SH3RF3: variants seen among roughly 807,000 people sequenced by gnomAD.
SH3RF3 encodes the protein E3 ubiquitin-protein ligase SH3RF3.
SH3RF3 carries 29 observed loss-of-function variants against 66.3 expected under a neutral mutation model. The observed-to-expected ratio is 0.44, with a 90% CI of 0.33 to 0.60. SH3RF3 has a LOEUF of 0.60. Among genes scored for constraint, SH3RF3 ranks in the 20% least tolerant of loss-of-function variants. The pLI is 0.04. For missense variants in SH3RF3, 1,194 were observed against 1,190.9 expected, an observed-to-expected ratio of 1.00 and a Z score of -0.04; for synonymous variants, 583 against 532.0, an observed-to-expected ratio of 1.10 and a Z score of -1.32.
At chr2:109,339,550 C>T (rs886207060) in intron 1 of SH3RF3, among the ~76,000 whole-genome samples, 1 of 152,090 alleles carries the variant, frequency 6.6e-6, no homozygotes, top group African/African-American at 2.4e-5. Flanking sequence ...TAGATGGGGC[C>T]GACCAGGCAT....
chr2:109,154,363 C>T (rs1677289304), intron 1 of SH3RF3, among the ~76,000 whole-genome samples: 1 of 152,146 alleles, frequency 6.6e-6, no homozygotes, highest in Non-Finnish European at 1.5e-5. Context: ...GGGGAAGCTT[C>T]TGGGTAGGGA....
intron 1 of SH3RF3, among the ~76,000 whole-genome samples, chr2:109,289,817 C>A (rs547176129): frequency 6.6e-5 from 10 of 152,026 alleles, no homozygotes; most frequent in African/African-American, 2.4e-4. Flanking sequence ...CTGGGGAAAT[C>A]GGGAAATCAA....
intron 1 of SH3RF3, among the ~76,000 whole-genome samples, chr2:109,167,043 C>T (rs72822655): frequency 0.011 from 1,726 of 152,264 alleles, 6 homozygotes; most frequent in Non-Finnish European, 0.017. Context: ...ATCGGTGTCC[C>T]GTGGGAATAC....
intron 1 of SH3RF3, among the ~76,000 whole-genome samples, chr2:109,218,920 G>C (rs1197586576): frequency 3.3e-5 from 5 of 152,188 alleles, no homozygotes; most frequent in African/African-American, 9.7e-5. Context: ...TGAGAGCCCT[G>C]CCTTCCCTGC....
intron 1 of SH3RF3, among the ~76,000 whole-genome samples, chr2:109,203,085 C>T (rs936429082): frequency 6.6e-6 from 1 of 152,172 alleles, no homozygotes; most frequent in South Asian, 2.1e-4. Flanking sequence ...CTCCGTCGAG[C>T]CTGGAACACT....
In SH3RF3 at chr2:109,226,469, C is replaced by T. The variant is rs1248638887; in HGVS notation, c.573+96356C>T. Among the ~76,000 whole-genome samples, 6 of 152,278 alleles carry T rather than the reference C, an allele frequency of 3.9e-5. No homozygotes were observed. The East Asian group carries it at 1.2e-3, about 29-fold the overall frequency. On this transcript the variant is annotated intron_variant, in intron 1 of 9. Transcript: ENST00000309415. ...GCAGTCCTCATCGTTAAGTAAGTAC[C>T]CTGCTGACCTCTTAAGACATAAACC...
At position 109,501,708 on chromosome 2, in the gene SH3RF3, A is replaced by C; in HGVS notation, c.*37A>C. 2.8e-6 allele frequency: 2 copies of C among 723,628 alleles called. No individual in the cohort carries two copies. Among genetic ancestry groups the C allele is most frequent in the Non-Finnish European group, 5.1e-6 (2 of 389,234 alleles). The allele number at this position is 723,628 out of a possible 1,614,324, so 44.8% of individuals were successfully genotyped here. On this transcript the variant is annotated 3_prime_UTR_variant, in exon 10 of 10. Coordinates refer to ENST00000309415, the MANE Select transcript of SH3RF3 (RefSeq NM_001099289.3). ...CCCTGCACCCAGCTCACAGAGGGGG[A>C]GGCCGCCTGGGAAGCTCCACGGCAC...
intron 1 of SH3RF3, among the ~76,000 whole-genome samples, chr2:109,239,988 G>A (rs1374753699): frequency 6.6e-6 from 1 of 152,212 alleles, no homozygotes; most frequent in African/African-American, 2.4e-5. Flanking sequence ...ATCCTCTGTG[G>A]AATGCTTGCT....
chr2:109,435,617 C>T (rs568248795), intron 6 of SH3RF3, among the ~76,000 whole-genome samples: 1 of 152,294 alleles, frequency 6.6e-6, no homozygotes, highest in South Asian at 2.1e-4. Context: ...TAGGACTAGC[C>T]AAGGGTATCT....
At chr2:109,324,947 C>A (rs1232288059) in intron 1 of SH3RF3, among the ~76,000 whole-genome samples, 1 of 152,166 alleles carries the variant, frequency 6.6e-6, no homozygotes, top group African/African-American at 2.4e-5. Flanking sequence ...ACAGTAATGA[C>A]TAGTATAGAC....
chr2:109,362,243 A>C (rs538483236), intron 2 of SH3RF3, among the ~76,000 whole-genome samples: 1 of 152,316 alleles, frequency 6.6e-6, no homozygotes, highest in Non-Finnish European at 1.5e-5. Context: ...GGCATCTCAC[A>C]AATGTTGGTA....
chr2:109,308,090 T>C (rs1241716651), intron 1 of SH3RF3, among the ~76,000 whole-genome samples: 1 of 146,340 alleles, frequency 6.8e-6, no homozygotes, highest in Non-Finnish European at 1.5e-5. Flanking sequence ...ACCTGTTGTT[T>C]CCTGACTTTT....
intron 1 of SH3RF3, among the ~76,000 whole-genome samples, chr2:109,306,098 T>G (rs575090344): frequency 6.6e-6 from 1 of 152,346 alleles, no homozygotes; most frequent in East Asian, 1.9e-4. Flanking sequence ...TTTGTCTACC[T>G]CACGCTAAAG....
At chr2:109,257,172 C>A (rs1241274816) in intron 1 of SH3RF3, among the ~76,000 whole-genome samples, 1 of 152,248 alleles carries the variant, frequency 6.6e-6, no homozygotes, top group African/African-American at 2.4e-5. Flanking sequence ...AAAGTGCCCA[C>A]TGGGGCAGGA....
chr2:109,404,996 C>G (rs996327899), intron 4 of SH3RF3, among the ~76,000 whole-genome samples: 2 of 151,108 alleles, frequency 1.3e-5, no homozygotes, highest in African/African-American at 4.9e-5. Flanking sequence ...ACCCCTATGT[C>G]TACACAAATA....
intron 2 of SH3RF3, among the ~76,000 whole-genome samples, chr2:109,364,612 A>T (rs1559044445): frequency 6.6e-6 from 1 of 152,216 alleles, no homozygotes; most frequent in Non-Finnish European, 1.5e-5. Context: ...TGTGGGGGCC[A>T]TGCGGCCACA....
At chr2:109,278,046 A>C (rs1483543240) in intron 1 of SH3RF3, among the ~76,000 whole-genome samples, 4 of 149,162 alleles carry the variant, frequency 2.7e-5, no homozygotes, top group Non-Finnish European at 5.9e-5. Flanking sequence ...GCATAGTGTC[A>C]TGCACCTATA....
intron 8 of SH3RF3, among the ~76,000 whole-genome samples, chr2:109,453,832 CA>C (rs1677958826): frequency 6.6e-6 from 1 of 152,172 alleles, no homozygotes; most frequent in African/African-American, 2.4e-5. Context: ...CAGCCCAGGT[CA>C]GGGGAGACTT....
intron 8 of SH3RF3, among the ~76,000 whole-genome samples, chr2:109,483,621 T>C (rs547182561): frequency 1.3e-5 from 2 of 152,346 alleles, no homozygotes; most frequent in South Asian, 4.1e-4. Flanking sequence ...AACAGATTGC[T>C]AGAGGGTGGG....
Sources: gnomAD v4.1 joint callset for allele counts (sites outside exome capture counted in the v4.1 genomes callset) on GRCh38, gnomAD v4.1.1 for gene constraint, MANE v1.5 for transcripts, NCBI Gene and HGNC (gene_info 2026-07-23, HGNC 2026-07-21) for gene names.